The following LRRC7 variants were observed in gnomAD, a reference collection of about 807,000 sequenced individuals.
LRRC7 encodes leucine-rich repeat-containing protein 7.
In LRRC7, 23 loss-of-function variants were observed where a neutral mutation model predicts 175.7. The observed-to-expected ratio is 0.13, with a 90% CI of 0.09 to 0.19. The LOEUF (loss-of-function observed/expected upper bound fraction) is 0.19. Ranked by LOEUF, LRRC7 falls within the 10% of genes least tolerant of loss-of-function variation. LRRC7 has a pLI of 1.00. For missense variants in LRRC7, 1,354 were observed against 1,904.7 expected (o/e 0.71, Z 5.38); for synonymous variants, 685 against 680.9 (o/e 1.01, Z -0.09).
At chr1:69,746,612 G>A (rs538954369) in intron 2 of LRRC7, among the ~76,000 whole-genome samples, 163 of 151,668 alleles carry the variant, frequency 1.1e-3, no homozygotes, top group African/African-American at 3.6e-3. Context: ...GAATTTTACC[G>A]AGAACGTATT....
intron 23 of LRRC7, among the ~76,000 whole-genome samples, chr1:70,059,511 GT>G (rs1269199995): frequency 1.3e-5 from 2 of 151,146 alleles, no homozygotes; most frequent in Non-Finnish European, 3.0e-5. Context: ...GTGTGTGTGT[GT>G]GTGTGGTCAT....
intron 7 of LRRC7, among the ~76,000 whole-genome samples, chr1:69,911,919 G>GAAA (rs200685672): frequency 8.9e-5 from 12 of 134,740 alleles, no homozygotes; most frequent in African/African-American, 3.3e-4. Flanking sequence ...GAAAATATTT[G>GAAA]AAAAAAAAAA....
At chr1:70,010,024 CAG>C (rs1479162052) in intron 11 of LRRC7, among the ~76,000 whole-genome samples, 1 of 152,134 alleles carries the variant, frequency 6.6e-6, no homozygotes, top group African/African-American at 2.4e-5. Context: ...TTTTTCCCCT[CAG>C]AGTGCTACTC....
intron 8 of LRRC7, among the ~76,000 whole-genome samples, chr1:69,975,373 A>G (rs1021829945): frequency 6.6e-6 from 1 of 152,168 alleles, no homozygotes; most frequent in Non-Finnish European, 1.5e-5. Context: ...CCATTATCCA[A>G]AACAACTTCA....
At chr1:69,944,540 A>T (rs565284024) in intron 8 of LRRC7, among the ~76,000 whole-genome samples, 1 of 152,196 alleles carries the variant, frequency 6.6e-6, no homozygotes, top group South Asian at 2.1e-4. Flanking sequence ...TGATTGCTGG[A>T]TCATATAGTA....
intron 2 of LRRC7, among the ~76,000 whole-genome samples, chr1:69,685,382 A>G (rs1362611211): frequency 6.6e-6 from 1 of 152,138 alleles, no homozygotes. Context: ...AAGACAATCC[A>G]CTGACCCCAA....
chr1:70,100,276 A>G lies in LRRC7; in HGVS notation c.4546-7476A>G, dbSNP rs1375651047. ...CTAGTATTTATATATCATTTCTAAA[A>G]GCAATCTCAGAGAAACAGGAATAAA... On this transcript the variant is annotated intron_variant, in intron 25 of 26. Transcript: ENST00000651989. 2.0e-5 allele frequency among the ~76,000 whole-genome samples: 3 copies of G among 152,170 alleles called. No homozygotes were observed. The East Asian group carries it at 5.8e-4, about 29-fold the overall frequency.
At chr1:69,925,100 A>G (rs1403221490) in intron 7 of LRRC7, among the ~76,000 whole-genome samples, 1 of 152,222 alleles carries the variant, frequency 6.6e-6, no homozygotes, top group Non-Finnish European at 1.5e-5. Flanking sequence ...GCTGGATTAC[A>G]TTTATTGATT....
intron 7 of LRRC7, among the ~76,000 whole-genome samples, chr1:69,853,318 AC>A (rs1683210944): frequency 1.0e-5 from 1 of 99,296 alleles, no homozygotes; most frequent in Non-Finnish European, 1.8e-5. Context: ...TTACTCTGTT[AC>A]CCAGGCTGGA....
chr1:69,972,502 A>C (rs933741365), intron 8 of LRRC7, among the ~76,000 whole-genome samples: 2 of 152,256 alleles, frequency 1.3e-5, no homozygotes, highest in Non-Finnish European at 2.9e-5. Flanking sequence ...AATGGCAAAC[A>C]AACATATGAA....
intron 8 of LRRC7, among the ~76,000 whole-genome samples, chr1:69,944,485 T>G (rs529778419): frequency 3.3e-5 from 5 of 152,240 alleles, no homozygotes; most frequent in Non-Finnish European, 7.4e-5. Context: ...GGACAAATTT[T>G]TTGAAGTCCC....
At chr1:69,910,718 T>C (rs1007213438) in intron 7 of LRRC7, among the ~76,000 whole-genome samples, 1 of 152,198 alleles carries the variant, frequency 6.6e-6, no homozygotes, top group African/African-American at 2.4e-5. Context: ...ACCACTACTC[T>C]CTTCAAAGCT....
In LRRC7 at chr1:70,139,362, A is replaced by G. The variant is rs1229545209; in HGVS notation, c.*17475A>G. On this transcript the variant is annotated 3_prime_UTR_variant, in exon 27 of 27. Transcript: ENST00000651989. ...ACTCTAACAAATAGATCCAGAAGTC[A>G]TAAGTGAGAAAGAAAACAAGCATGT... 1 of 152,224 alleles carries G rather than the reference A, an allele frequency of 6.6e-6. No homozygotes were observed. The highest frequency in any genetic ancestry group is 2.4e-5 in the African/African-American group (1 of 41,460). 9.4% of individuals were successfully genotyped at this position (152,224 alleles called of 1,614,324 possible). A position where few individuals can be genotyped will look rare whatever the true frequency, so the allele number is the denominator to read the frequency against.
chr1:70,046,817 A>C (rs1399319769), intron 22 of LRRC7, among the ~76,000 whole-genome samples: 1 of 151,940 alleles, frequency 6.6e-6, no homozygotes, highest in Non-Finnish European at 1.5e-5. Flanking sequence ...CTTTCATTTG[A>C]AAATTTGTTA....
chr1:69,745,836 AT>A (rs1367550844), intron 2 of LRRC7, among the ~76,000 whole-genome samples: 4 of 152,012 alleles, frequency 2.6e-5, no homozygotes, highest in African/African-American at 9.6e-5. Flanking sequence ...AATATTATGA[AT>A]TTTATTTTCT....
rs764297008 is a variant in LRRC7 at position 70,053,114 on chromosome 1, G to A, written c.4199G>A (p.Arg1400Gln). ...GQWNPYPLGR[R>Q]DVPPDTITKK... is the part of the protein sequence containing the mutation. ...TGGAATCCTTATCCACTTGGGAGGC[G>A]GGATGTACCTCCGGACACCATTACT... The change falls in exon 23 of 27, where the codon CGG becomes CAG. Residue 1400 changes from arginine (R) to glutamine (Q), a missense_variant. By Grantham distance (43) the Arg-to-Gln change is conservative. Transcript: ENST00000651989. 9.3e-6 allele frequency: 15 copies of A among 1,609,284 alleles called. No homozygotes were observed. The highest frequency in any genetic ancestry group is 2.2e-5 in the East Asian group (1 of 44,660).
At chr1:69,684,204 C>A (rs989380727) in intron 2 of LRRC7, among the ~76,000 whole-genome samples, 3 of 152,144 alleles carry the variant, frequency 2.0e-5, no homozygotes, top group Non-Finnish European at 4.4e-5. Context: ...CAAGAACTCC[C>A]TCTTATTCAC....
At chr1:69,573,275 GCT>G (rs1645811227) in intron 1 of LRRC7, among the ~76,000 whole-genome samples, 1 of 152,060 alleles carries the variant, frequency 6.6e-6, no homozygotes, top group Non-Finnish European at 1.5e-5. Flanking sequence ...CCCATTCTGT[GCT>G]CTCTTCTTCA....
Position 70,131,668 on chromosome 1 carries a change from A to T in LRRC7, c.*9781A>T, listed in dbSNP as rs1339596989. On this transcript the variant is annotated 3_prime_UTR_variant, in exon 27 of 27. Transcript: ENST00000651989. Reference sequence around the variant, plus strand: ...TTTTGATTTAGAAAGATTTAGATAAAGTCATAGTATATCTTGAAGGAAACA... The same window carrying T: ...TTTTGATTTAGAAAGATTTAGATAATGTCATAGTATATCTTGAAGGAAACA... Among the ~76,000 whole-genome samples the T allele has an allele frequency of 6.6e-6, 1 of 152,154 alleles. No individual in the cohort carries two copies. Among genetic ancestry groups the T allele is most frequent in the Non-Finnish European group, 1.5e-5 (1 of 68,020 alleles).
Sources: gnomAD v4.1 joint callset for allele counts (sites outside exome capture counted in the v4.1 genomes callset) on GRCh38, gnomAD v4.1.1 for gene constraint, MANE v1.5 for transcripts, NCBI Gene and HGNC (gene_info 2026-07-23, HGNC 2026-07-21) for gene names.